The following SGMS1 variants were observed in gnomAD, a reference collection of about 807,000 sequenced individuals.
SGMS1 encodes the protein sphingomyelin synthase 1.
In SGMS1, 13 loss-of-function variants were observed where a neutral mutation model predicts 46.2. The ratio of observed to expected loss-of-function variants is 0.28; its 90% CI spans 0.18 to 0.45. The LOEUF (loss-of-function observed/expected upper bound fraction) is 0.45. Among genes scored for constraint, SGMS1 ranks in the 20% least tolerant of loss-of-function variants. SGMS1 has a pLI of 1.00. For missense variants in SGMS1, 324 were observed against 519.9 expected (o/e 0.62, Z 3.66); for synonymous variants, 203 against 187.8 (o/e 1.08, Z -0.66).
At chr10:50,359,993 T>C (rs1409350803) in intron 6 of SGMS1, among the ~76,000 whole-genome samples, 2 of 152,226 alleles carry the variant, frequency 1.3e-5, no homozygotes, top group South Asian at 2.1e-4. Flanking sequence ...GATAAACATA[T>C]ATTACTTGCA....
At chr10:50,352,475 AATAAT>A (rs10570118) in intron 6 of SGMS1, among the ~76,000 whole-genome samples, 3,922 of 152,312 alleles carry the variant, frequency 0.026, 70 homozygotes, top group East Asian at 0.055. Context: ...CAGAACTGGT[AATAAT>A]ATAAGAGTAA....
intron 3 of SGMS1, chr10:50,474,101 G>A (rs1049373120): frequency 1.3e-5 from 2 of 152,198 alleles, no homozygotes; most frequent in Admixed American, 6.5e-5. Flanking sequence ...TTCCCAACCT[G>A]AGGTCTCAGG....
intron 4 of SGMS1, among the ~76,000 whole-genome samples, chr10:50,461,767 A>G (rs1239797562): frequency 6.6e-6 from 1 of 152,166 alleles, no homozygotes; most frequent in Non-Finnish European, 1.5e-5. Flanking sequence ...TAATTCTATA[A>G]AGAAACAATT....
chr10:50,429,105 C>A (rs1849366732), intron 6 of SGMS1, among the ~76,000 whole-genome samples: 1 of 152,050 alleles, frequency 6.6e-6, no homozygotes, highest in African/African-American at 2.4e-5. Context: ...GCTTTTGCAC[C>A]ATCATGAAGT....
intron 7 of SGMS1, among the ~76,000 whole-genome samples, chr10:50,334,347 T>C (rs1847677965): frequency 6.6e-6 from 1 of 152,222 alleles, no homozygotes. Context: ...CATTAGTGTA[T>C]ATATACACAG....
chr10:50,309,999 G>A (rs1490686256), intron 9 of SGMS1, among the ~76,000 whole-genome samples: 1 of 152,102 alleles, frequency 6.6e-6, no homozygotes, highest in Non-Finnish European at 1.5e-5. Context: ...CATCCTGCAA[G>A]CTGCTGCAAG....
intron 2 of SGMS1, among the ~76,000 whole-genome samples, chr10:50,552,733 A>C (rs79207175): frequency 0.027 from 4,139 of 152,328 alleles, 91 homozygotes; most frequent in Non-Finnish European, 0.044. Context: ...TGTGAATGTT[A>C]TCTTACATGG....
intron 6 of SGMS1, among the ~76,000 whole-genome samples, chr10:50,407,956 A>T (rs181578537): frequency 5.3e-5 from 8 of 152,200 alleles, no homozygotes; most frequent in African/African-American, 1.4e-4. Context: ...AAATTCATTT[A>T]AAAAAAGCTT....
chr10:50,592,884 A>T (rs1013498222), intron 1 of SGMS1, among the ~76,000 whole-genome samples: 1 of 121,546 alleles, frequency 8.2e-6, no homozygotes, highest in Non-Finnish European at 2.0e-5. Flanking sequence ...TATATTTAAA[A>T]GTGCGTTTAA....
At chr10:50,434,974 A>G (rs762500235) in intron 5 of SGMS1, among the ~76,000 whole-genome samples, 2 of 152,160 alleles carry the variant, frequency 1.3e-5, no homozygotes, top group Non-Finnish European at 2.9e-5. Flanking sequence ...AGAACTTGTC[A>G]GCCTCAATAA....
Position 50,416,837 on chromosome 10 carries a change from T to TAAAAAAAAAAA in SGMS1, c.-232+16628_-232+16638dup, listed in dbSNP as rs36028635. On this transcript the variant is annotated intron_variant, in intron 6 of 10. Transcript: ENST00000361781. ...TCTAGGGAAGTTTCCTTTATAGAAC[T>TAAAAAAAAAAA]AAAAAAAAAAAAAAAAAAAAAGCCA... 2.6e-5 allele frequency among the ~76,000 whole-genome samples: 3 copies of TAAAAAAAAAAA among 117,288 alleles called. 1 individual carries two copies. The highest frequency in any genetic ancestry group is 9.9e-5 in the African/African-American group (3 of 30,358). The allele number at this position is 117,288 out of a possible 152,430, so 76.9% of individuals were successfully genotyped here. A position where few individuals can be genotyped will look rare whatever the true frequency, so the allele number is the denominator to read the frequency against.
At chr10:50,541,663 A>G (rs915285255) in intron 2 of SGMS1, among the ~76,000 whole-genome samples, 1 of 152,170 alleles carries the variant, frequency 6.6e-6, no homozygotes, top group African/African-American at 2.4e-5. Context: ...AAGATCCTCG[A>G]AAATGGAATA....
intron 6 of SGMS1, among the ~76,000 whole-genome samples, chr10:50,395,191 C>T (rs1173530731): frequency 1.3e-5 from 2 of 152,134 alleles, no homozygotes; most frequent in South Asian, 2.1e-4. Context: ...CCTTCATGGT[C>T]GCTGTTATGA....
At chr10:50,563,231 A>G (rs1172152621) in intron 2 of SGMS1, among the ~76,000 whole-genome samples, 1 of 152,168 alleles carries the variant, frequency 6.6e-6, no homozygotes, top group African/African-American at 2.4e-5. Flanking sequence ...CAAACCCATC[A>G]TTCTATAGAC....
chr10:50,404,859 T>C (rs920217048), intron 6 of SGMS1, among the ~76,000 whole-genome samples: 2 of 152,118 alleles, frequency 1.3e-5, no homozygotes, highest in African/African-American at 4.8e-5. Flanking sequence ...TATACACCCA[T>C]AAAATAAAAT....
chr10:50,502,568 T>A (rs11005956), intron 3 of SGMS1, among the ~76,000 whole-genome samples: 18,126 of 152,252 alleles, frequency 0.12, 1,182 homozygotes, highest in Middle Eastern at 0.21. Context: ...ATTTCACATT[T>A]TCCTAATGAG....
intron 3 of SGMS1, among the ~76,000 whole-genome samples, chr10:50,515,720 C>A (rs994891386): frequency 6.6e-6 from 1 of 152,194 alleles, no homozygotes; most frequent in Non-Finnish European, 1.5e-5. Context: ...GAGTGCTCAG[C>A]TTTCCAACCA....
chr10:50,546,166 A>G (rs1838099165), intron 2 of SGMS1, among the ~76,000 whole-genome samples: 1 of 152,034 alleles, frequency 6.6e-6, no homozygotes, highest in Non-Finnish European at 1.5e-5. Context: ...TGTTGGTTGG[A>G]CAATGTGGGA....
intron 2 of SGMS1, among the ~76,000 whole-genome samples, chr10:50,537,052 C>G (rs546551213): frequency 3.3e-5 from 5 of 152,306 alleles, no homozygotes; most frequent in Admixed American, 2.6e-4. Context: ...CCAGGGAAAA[C>G]AGCCCACTGA....
Sources: gnomAD v4.1 joint callset for allele counts (sites outside exome capture counted in the v4.1 genomes callset) on GRCh38, gnomAD v4.1.1 for gene constraint, MANE v1.5 for transcripts, NCBI Gene and HGNC (gene_info 2026-07-23, HGNC 2026-07-21) for gene names.